The following MFHAS1 variants were observed in gnomAD, a reference collection of about 807,000 sequenced individuals.
The protein encoded by MFHAS1 is malignant fibrous histiocytoma-amplified sequence 1.
A neutral mutation model predicts 70.4 loss-of-function variants in MFHAS1; 50 were observed. The ratio of observed to expected loss-of-function variants is 0.71; its 90% CI spans 0.57 to 0.90. MFHAS1 has a LOEUF of 0.90. MFHAS1 is among the 40% of genes least tolerant of loss of function. MFHAS1 has a pLI of 0.00. For synonymous variants in MFHAS1, 952 were observed against 620.0 expected, an observed-to-expected ratio of 1.54 and a Z score of -7.96; for missense variants, 1,795 against 1,347.6, an observed-to-expected ratio of 1.33 and a Z score of -5.20.
intron 1 of MFHAS1, among the ~76,000 whole-genome samples, chr8:8,868,004 G>A (rs1371998865): frequency 6.6e-6 from 1 of 152,048 alleles, no homozygotes; most frequent in African/African-American, 2.4e-5. Flanking sequence ...CACTCAGTTG[G>A]AAGAATCCTC....
At chr8:8,882,954 A>G (rs1003052144) in intron 1 of MFHAS1, among the ~76,000 whole-genome samples, 2 of 152,042 alleles carry the variant, frequency 1.3e-5, no homozygotes, top group Admixed American at 1.3e-4. Context: ...GGAGTTTGAG[A>G]CCAGCCTGGC....
At chr8:8,833,013 C>G (rs1454588634) in intron 1 of MFHAS1, among the ~76,000 whole-genome samples, 2 of 152,142 alleles carry the variant, frequency 1.3e-5, no homozygotes, top group Non-Finnish European at 2.9e-5. Flanking sequence ...AGGAGGGCCT[C>G]AACGAGCTTT....
intron 1 of MFHAS1, among the ~76,000 whole-genome samples, chr8:8,810,553 T>G (rs1563183949): frequency 1.3e-5 from 2 of 152,292 alleles, no homozygotes; most frequent in South Asian, 2.1e-4. Flanking sequence ...TTTATGACAA[T>G]CCACTTCCAC....
intron 1 of MFHAS1, among the ~76,000 whole-genome samples, chr8:8,837,562 G>C (rs185216346): frequency 6.6e-6 from 1 of 151,952 alleles, no homozygotes; most frequent in African/African-American, 2.4e-5. Context: ...AGAATTCCTT[G>C]AACCCAGGAG....
chr8:8,841,775 G>A (rs887997177), intron 1 of MFHAS1, among the ~76,000 whole-genome samples: 2 of 152,158 alleles, frequency 1.3e-5, no homozygotes, highest in East Asian at 1.9e-4. Flanking sequence ...CCACGGGTAC[G>A]AGAGTTTGGG....
At chr8:8,849,853 G>A (rs928368075) in intron 1 of MFHAS1, among the ~76,000 whole-genome samples, 1 of 152,150 alleles carries the variant, frequency 6.6e-6, no homozygotes, top group Non-Finnish European at 1.5e-5. Flanking sequence ...CTAATTGCCT[G>A]GTATGACCCA....
intron 2 of MFHAS1, among the ~76,000 whole-genome samples, chr8:8,796,031 T>C (rs147302492): frequency 6.6e-6 from 1 of 152,188 alleles, no homozygotes; most frequent in Admixed American, 6.5e-5. Flanking sequence ...TTTTCAGGAT[T>C]TGAAGTAACA....
rs773282757 is a variant in MFHAS1, at chr8:8,890,580, T to C, written c.2479A>G (p.Met827Val). 13 of 1,613,762 alleles carry C rather than the reference T, an allele frequency of 8.1e-6. No homozygotes were observed. Among genetic ancestry groups the C allele is most frequent in the Non-Finnish European group, 1.1e-5 (13 of 1,180,038 alleles). ...TTATTGAGGCAGTAACAGAGTCCCA[T>C]CTTCTCCAGCAGCTCCAGCAACAGC... ...LQLLLELLEK[M>V]GLCYCLNKPK... Residue 827 changes from methionine (M) to valine (V), a missense_variant, in exon 1 of 3, where the codon ATG (methionine) becomes GTG (valine). By Grantham distance (21) the Met-to-Val change is conservative. Coordinates refer to ENST00000276282, the MANE Select transcript of MFHAS1 (RefSeq NM_004225.3).
chr8:8,816,482 A>G (rs896081664), intron 1 of MFHAS1, among the ~76,000 whole-genome samples: 1 of 152,242 alleles, frequency 6.6e-6, no homozygotes, highest in African/African-American at 2.4e-5. Context: ...GTTTCATGCT[A>G]AAGAATCAGG....
intron 1 of MFHAS1, among the ~76,000 whole-genome samples, chr8:8,866,976 G>C (rs1467897048): frequency 6.6e-6 from 1 of 152,140 alleles, no homozygotes; most frequent in African/African-American, 2.4e-5. Context: ...TCATTTGCAA[G>C]TCACTAAGAA....
intron 1 of MFHAS1, among the ~76,000 whole-genome samples, chr8:8,886,269 G>A (rs1383080026): frequency 4.0e-5 from 6 of 151,758 alleles, no homozygotes; most frequent in African/African-American, 1.5e-4. Context: ...ATGCTCAAGT[G>A]ATTGTCCCAC....
chr8:8,841,185 T>C (rs1328864128), intron 1 of MFHAS1, among the ~76,000 whole-genome samples: 1 of 152,166 alleles, frequency 6.6e-6, no homozygotes, highest in Non-Finnish European at 1.5e-5. Context: ...CTTCAAGACT[T>C]CTTTTTGGGT....
chr8:8,836,283 T>C lies in MFHAS1; in HGVS notation c.2999-38792A>G, dbSNP rs139281005. Among the ~76,000 whole-genome samples, 126 of 152,342 alleles carry C rather than the reference T, an allele frequency of 8.3e-4. 1 individual carries two copies. The highest frequency in any genetic ancestry group is 2.8e-3 in the African/African-American group (117 of 41,588). ...AGTTTGAGTAGCCTCAGGTTCTGGG[T>C]GGCGTCCCTCTCAAAAAGTCTGCTT... On this transcript the variant is annotated intron_variant, in intron 1 of 2. Transcript: ENST00000276282.
intron 1 of MFHAS1, among the ~76,000 whole-genome samples, chr8:8,842,098 C>T (rs1807849346): frequency 6.6e-6 from 1 of 152,210 alleles, no homozygotes; most frequent in Non-Finnish European, 1.5e-5. Flanking sequence ...GGACAGCCTG[C>T]TGCAGGTTTT....
chr8:8,826,827 C>T (rs566536705), intron 1 of MFHAS1, among the ~76,000 whole-genome samples: 1 of 152,254 alleles, frequency 6.6e-6, no homozygotes, highest in Non-Finnish European at 1.5e-5. Context: ...ATCAGAAATG[C>T]AGATGTGAGG....
chr8:8,787,144 A>G (rs867761905), intron 2 of MFHAS1, among the ~76,000 whole-genome samples: 23 of 151,308 alleles, frequency 1.5e-4, no homozygotes, highest in Middle Eastern at 3.4e-3. Flanking sequence ...GCAGTGGCGC[A>G]ATCTCGGCTC....
rs1809711375 is a variant in MFHAS1, at chr8:8,885,287, T to C, written c.2998+4774A>G. On this transcript the variant is annotated intron_variant, in intron 1 of 2. Coordinates refer to ENST00000276282, the MANE Select transcript of MFHAS1 (RefSeq NM_004225.3). Reference sequence around the variant, plus strand: ...AACTCATTCTGTCTACTGATTTGGGTTGCTTTCTCCTTATTTTTTAAAATG... The same window carrying C: ...AACTCATTCTGTCTACTGATTTGGGCTGCTTTCTCCTTATTTTTTAAAATG... 1.4e-5 allele frequency among the ~76,000 whole-genome samples: 2 copies of C among 146,458 alleles called. 1 individual carries two copies.
chr8:8,807,252 AATCTC>A (rs1806324371), intron 1 of MFHAS1, among the ~76,000 whole-genome samples: 1 of 152,130 alleles, frequency 6.6e-6, no homozygotes. Context: ...CCCTCCCTGG[AATCTC>A]ATTATCTCAG....
chr8:8,794,580 CAA>C (rs1258091831), intron 2 of MFHAS1, among the ~76,000 whole-genome samples: 1 of 152,164 alleles, frequency 6.6e-6, no homozygotes, highest in African/African-American at 2.4e-5. Context: ...TAAAGTCACA[CAA>C]GAGATCATTT....
Sources: allele counts gnomAD v4.1 joint callset (sites outside exome capture counted in the v4.1 genomes callset), GRCh38; gene constraint gnomAD v4.1.1; transcripts MANE v1.5; gene names NCBI Gene and HGNC (gene_info 2026-07-23, HGNC 2026-07-21).